The following CLVS1 variants were observed in gnomAD, a reference collection of about 807,000 sequenced individuals.
The protein encoded by CLVS1 is clavesin 1.
CLVS1 carries 10 observed loss-of-function variants against 33.1 expected under a neutral mutation model. That is an observed-to-expected ratio of 0.30 (90% confidence interval 0.19 to 0.51). The LOEUF (loss-of-function observed/expected upper bound fraction) is 0.51, where lower values mean the gene tolerates loss of function less well. Among genes scored for constraint, CLVS1 ranks in the 20% least tolerant of loss-of-function variants. The probability of loss-of-function intolerance (pLI) is 0.97; values close to 1 mark genes in which losing one functional copy is unlikely to be tolerated. For synonymous variants in CLVS1, 163 were observed against 166.1 expected (o/e 0.98, Z 0.14); for missense variants, 343 against 433.4 (o/e 0.79, Z 1.85).
At chr8:61,266,101 G>C (rs991253734) in intron 2 of CLVS1, among the ~76,000 whole-genome samples, 1 of 152,112 alleles carries the variant, frequency 6.6e-6, no homozygotes, top group Admixed American at 6.6e-5. Context: ...TCCTGACAAT[G>C]TTAAAATTTA....
In CLVS1 at chr8:61,265,734, T is replaced by C. The variant is rs190403022; in HGVS notation, c.-151-33943T>C. 5.4e-4 allele frequency among the ~76,000 whole-genome samples: 83 copies of C among 152,334 alleles called. 1 individual carries two copies. Among genetic ancestry groups the C allele is most frequent in the Admixed American group, 3.1e-3 (48 of 15,294 alleles). ...TGTTGCCTGCTCCACTTACCCTCTG[T>C]TACTACAGAGCAGCCAGCATCTGGG... On this transcript the variant is annotated intron_variant, in intron 2 of 2. Coordinates refer to the CLVS1 transcript ENST00000522621.
rs546158794 is a variant in CLVS1, at chr8:61,198,870, C to T, written c.-152+67010C>T. Among the ~76,000 whole-genome samples the T allele has an allele frequency of 6.6e-5, 10 of 152,300 alleles. No individual in the cohort carries two copies. In the South Asian group the frequency reaches 2.1e-3, roughly 32 times the overall value. On this transcript the variant is annotated intron_variant, in intron 2 of 2. Transcript: ENST00000522621. ...CACTTAGGATAATGGCCTCCAATTC[C>T]AACCAAGTAGTTTCAAAAGACATTA...
intron 2 of CLVS1, among the ~76,000 whole-genome samples, chr8:61,232,066 G>A (rs1233076078): frequency 5.7e-5 from 3 of 52,942 alleles, no homozygotes; most frequent in Admixed American, 5.4e-4. Flanking sequence ...ATGGAGTCTC[G>A]CTCTGTTGCC....
In CLVS1 at chr8:61,120,574, T is replaced by C. The variant is rs1321327796; in HGVS notation, c.-242-11196T>C. Among the ~76,000 whole-genome samples the C allele has an allele frequency of 2.8e-3, 278 of 98,842 alleles. 4 individuals carry two copies. The highest frequency in any genetic ancestry group is 8.8e-3 in the East Asian group (23 of 2,622). The allele number at this position is 98,842 out of a possible 152,430, so 64.8% of individuals were successfully genotyped here. A position where few individuals can be genotyped will look rare whatever the true frequency, so the allele number is the denominator to read the frequency against. Reference sequence around the variant, plus strand: ...TTGGTGTGGATGTCCTTTGTGTTTGTTAGTTTTCCTTCTAACAGACAGGAC... The same window carrying C: ...TTGGTGTGGATGTCCTTTGTGTTTGCTAGTTTTCCTTCTAACAGACAGGAC... On this transcript the variant is annotated intron_variant, in intron 1 of 2. Coordinates refer to the CLVS1 transcript ENST00000522621.
chr8:61,229,025 C>T (rs1407510765), intron 2 of CLVS1, among the ~76,000 whole-genome samples: 1 of 152,228 alleles, frequency 6.6e-6, no homozygotes, highest in East Asian at 1.9e-4. Flanking sequence ...GCAAAGACAC[C>T]CTTTTCTCCA....
intron 2 of CLVS1, among the ~76,000 whole-genome samples, chr8:61,214,677 G>A (rs1379231722): frequency 1.3e-5 from 2 of 152,200 alleles, no homozygotes; most frequent in Non-Finnish European, 2.9e-5. Context: ...AGTTTGTGGT[G>A]ATTTGTTATG....
intron 1 of CLVS1, among the ~76,000 whole-genome samples, chr8:61,083,422 G>A (rs1805060059): frequency 6.6e-6 from 1 of 152,142 alleles, no homozygotes; most frequent in South Asian, 2.1e-4. Flanking sequence ...TCCAGGAGTT[G>A]TACCTGAGGG....
the CLVS1 span, among the ~76,000 whole-genome samples, chr8:61,031,154 A>G: frequency 6.6e-6 from 1 of 152,232 alleles, no homozygotes; most frequent in Non-Finnish European, 1.5e-5. Context: ...AGAACTGAAG[A>G]GAATGCCAGG....
At chr8:61,245,519 T>C (rs373342207) in intron 2 of CLVS1, among the ~76,000 whole-genome samples, 2 of 151,968 alleles carry the variant, frequency 1.3e-5, no homozygotes, top group East Asian at 3.9e-4. Flanking sequence ...ATAGTTGTAT[T>C]ATTTTAACAT....
intron 3 of CLVS1, among the ~76,000 whole-genome samples, chr8:61,416,266 G>A (rs1316665623): frequency 6.6e-6 from 1 of 151,792 alleles, no homozygotes; most frequent in South Asian, 2.1e-4. Context: ...TTCCTAGAAA[G>A]CATTAGTTGA....
the CLVS1 span, among the ~76,000 whole-genome samples, chr8:60,971,023 T>A: frequency 2.7e-5 from 4 of 150,600 alleles, no homozygotes; most frequent in Non-Finnish European, 4.4e-5. Flanking sequence ...ATATTTTAAA[T>A]GTCTAACAAT....
chr8:60,983,583 G>GT, the CLVS1 span, among the ~76,000 whole-genome samples: 1 of 152,044 alleles, frequency 6.6e-6, no homozygotes, highest in Non-Finnish European at 1.5e-5. Flanking sequence ...AGGGTGTGAG[G>GT]TGCCCCCAGG....
intron 3 of CLVS1, among the ~76,000 whole-genome samples, chr8:61,453,239 T>C (rs1817027136): frequency 6.6e-6 from 1 of 152,146 alleles, no homozygotes; most frequent in Non-Finnish European, 1.5e-5. Flanking sequence ...GCTGAAGCCA[T>C]TCATTGGGAG....
chr8:61,261,835 A>G (rs543932021), intron 2 of CLVS1, among the ~76,000 whole-genome samples: 1 of 152,294 alleles, frequency 6.6e-6, no homozygotes, highest in Admixed American at 6.5e-5. Context: ...AGTCTATGGT[A>G]TTCTGCTACA....
chr8:61,497,575 C>T (rs531435485), intron 5 of CLVS1, among the ~76,000 whole-genome samples: 1 of 152,146 alleles, frequency 6.6e-6, no homozygotes, highest in African/African-American at 2.4e-5. Context: ...GTCTTTGGGT[C>T]AGGGGTTTCC....
chr8:61,220,299 A>G (rs531602082), intron 2 of CLVS1, among the ~76,000 whole-genome samples: 1 of 149,590 alleles, frequency 6.7e-6, no homozygotes, highest in African/African-American at 2.5e-5. Context: ...TGAGTTTTAC[A>G]TTTAAGTTTT....
the CLVS1 span, among the ~76,000 whole-genome samples, chr8:60,972,170 C>T: frequency 6.6e-6 from 1 of 152,058 alleles, no homozygotes; most frequent in South Asian, 2.1e-4. Flanking sequence ...CCCATTAGGG[C>T]CTCTCTGTGT....
intron 2 of CLVS1, among the ~76,000 whole-genome samples, chr8:61,227,863 C>CA (rs75300419): frequency 0.066 from 10,082 of 151,972 alleles, 445 homozygotes; most frequent in East Asian, 0.15. Context: ...AAGGCCCAGA[C>CA]AAAAAAATAC....
chr8:61,150,671 G>C (rs1806512093), intron 2 of CLVS1, among the ~76,000 whole-genome samples: 2 of 152,184 alleles, frequency 1.3e-5, no homozygotes, highest in Admixed American at 1.3e-4. Flanking sequence ...ATCCCAGCTG[G>C]TGTGTGCATG....
Sources: gnomAD v4.1 joint callset for allele counts (sites outside exome capture counted in the v4.1 genomes callset) on GRCh38, gnomAD v4.1.1 for gene constraint, MANE v1.5 for transcripts, NCBI Gene and HGNC (gene_info 2026-07-23, HGNC 2026-07-21) for gene names.